The following FCHO2 variants were observed in gnomAD, a reference collection of about 807,000 sequenced individuals.
The protein encoded by FCHO2 is F-BAR domain only protein 2.
Under a neutral mutation model 114.1 loss-of-function variants are expected in FCHO2, and 43 were observed. The ratio of observed to expected loss-of-function variants is 0.38; its 90% CI spans 0.30 to 0.49. The LOEUF (loss-of-function observed/expected upper bound fraction) is 0.49, where lower values mean the gene tolerates loss of function less well. Among genes scored for constraint, FCHO2 ranks in the 20% least tolerant of loss-of-function variants. FCHO2 has a pLI of 0.97. For missense variants in FCHO2, 807 were observed against 950.4 expected (o/e 0.85, Z 1.98); for synonymous variants, 293 against 315.2 (o/e 0.93, Z 0.75).
At chr5:72,975,203 C>T (rs578138416) in intron 2 of FCHO2, among the ~76,000 whole-genome samples, 3 of 152,236 alleles carry the variant, frequency 2.0e-5, no homozygotes, top group Admixed American at 1.3e-4. Flanking sequence ...TTATGTTCCT[C>T]TGTGAAACAG....
intron 10 of FCHO2, among the ~76,000 whole-genome samples, chr5:73,039,433 T>A (rs930651203): frequency 9.9e-5 from 15 of 152,166 alleles, no homozygotes; most frequent in African/African-American, 3.6e-4. Context: ...GCATCTTTTT[T>A]AAAAAAAGAA....
At chr5:73,074,638 GT>G in intron 19 of FCHO2, 103 bp from the exon 20 acceptor site, 1 of 992,184 alleles carries the variant, frequency 1.0e-6, no homozygotes, top group Non-Finnish European at 1.5e-6. Flanking sequence ...ACTGAAACCA[GT>G]GGTAGGGTCG....
chr5:73,077,869 C>T (rs532701235), intron 21 of FCHO2, among the ~76,000 whole-genome samples: 1 of 152,204 alleles, frequency 6.6e-6, no homozygotes, highest in African/African-American at 2.4e-5. Context: ...TGTTTTCCCC[C>T]TTCTTCTTTG....
At chr5:72,996,268 A>G (rs1377483561) in intron 5 of FCHO2, among the ~76,000 whole-genome samples, 10 of 150,326 alleles carry the variant, frequency 6.7e-5, no homozygotes, top group African/African-American at 2.5e-4. Flanking sequence ...AAATCCTGTT[A>G]TGTATTTCAT....
chr5:72,979,719 A>G (rs1418435588), intron 2 of FCHO2, among the ~76,000 whole-genome samples: 2 of 152,150 alleles, frequency 1.3e-5, no homozygotes, highest in Admixed American at 6.5e-5. Context: ...TAGATTTTCT[A>G]GTTTATTTGC....
intron 24 of FCHO2, among the ~76,000 whole-genome samples, chr5:73,084,729 T>G (rs2112897288): frequency 1.3e-5 from 2 of 152,326 alleles, no homozygotes; most frequent in South Asian, 2.1e-4. Context: ...GTTTATTCAT[T>G]TACACCTGCC....
intron 20 of FCHO2, 102 bp from the exon 21 acceptor site, chr5:73,077,236 G>T (rs939528179): frequency 2.2e-6 from 2 of 901,870 alleles, no homozygotes; most frequent in Non-Finnish European, 3.3e-6. Flanking sequence ...ATATAGGTGC[G>T]TGTGTGTGTG....
At chr5:73,015,267 CTT>C (rs908993702) in intron 6 of FCHO2, among the ~76,000 whole-genome samples, 2 of 143,112 alleles carry the variant, frequency 1.4e-5, no homozygotes, top group African/African-American at 2.5e-5. Flanking sequence ...GAGTTGATTT[CTT>C]TTTTTTTTTT....
intron 20 of FCHO2, 76 bp downstream of exon 20, chr5:73,074,929 A>T: frequency 9.0e-7 from 1 of 1,116,080 alleles, no homozygotes; most frequent in Non-Finnish European, 1.3e-6. Flanking sequence ...TTGGTGGTAA[A>T]TTTTAAGAAT....
At chr5:73,045,100 A>G (rs1756994907) in intron 11 of FCHO2, among the ~76,000 whole-genome samples, 3 of 152,246 alleles carry the variant, frequency 2.0e-5, no homozygotes, top group Admixed American at 1.3e-4. Flanking sequence ...TGTATGTAAC[A>G]GTACTGTGTA....
chr5:73,050,364 G>T (rs1181674390), intron 11 of FCHO2, among the ~76,000 whole-genome samples: 1 of 151,082 alleles, frequency 6.6e-6, no homozygotes, highest in Non-Finnish European at 1.5e-5. Flanking sequence ...CTTTTGCCAG[G>T]CTGGAGTGCA....
chr5:73,003,989 A>C (rs916910694), intron 5 of FCHO2, among the ~76,000 whole-genome samples: 3 of 144,880 alleles, frequency 2.1e-5, no homozygotes, highest in Non-Finnish European at 1.5e-5. Context: ...CGGAGGTTGC[A>C]GTGAGCCAAG....
chr5:73,054,570 GTTTAT>G (rs1757495941), intron 15 of FCHO2, 21 bp downstream of exon 15: 11 of 1,517,846 alleles, frequency 7.2e-6, no homozygotes, highest in South Asian at 2.5e-5. Context: ...CATTTGAATT[GTTTAT>G]TTTATGTCTA....
rs1230686760 is a variant in FCHO2, at chr5:72,997,720, T to A, written c.495+6856T>A. ...GCCCTTGGGATACCGTTTGATGCCCTGTCCAATGTGAGGACTGCCTGGGCA... is the reference window on the plus strand; with the variant it reads ...GCCCTTGGGATACCGTTTGATGCCCAGTCCAATGTGAGGACTGCCTGGGCA... On this transcript the variant is annotated intron_variant, in intron 5 of 25. Coordinates refer to ENST00000430046, the MANE Select transcript of FCHO2 (RefSeq NM_138782.3). 6.1e-6 allele frequency: 9 copies of A among 1,486,918 alleles called. No homozygotes were observed. The Admixed American group carries it at 1.7e-4, about 28-fold the overall frequency. The allele number at this position is 1,486,918 out of a possible 1,614,324, so 92.1% of individuals were successfully genotyped here.
chr5:73,076,563 A>G (rs1742919503), intron 20 of FCHO2, among the ~76,000 whole-genome samples: 2 of 152,230 alleles, frequency 1.3e-5, no homozygotes, highest in South Asian at 2.1e-4. Flanking sequence ...CCTTCAGTAT[A>G]TAAGAGCAGA....
intron 2 of FCHO2, among the ~76,000 whole-genome samples, chr5:72,969,526 A>G (rs1752395443): frequency 6.6e-6 from 1 of 152,116 alleles, no homozygotes; most frequent in Admixed American, 6.5e-5. Context: ...GGAGCAAAGG[A>G]AAGGCCGCAG....
At chr5:73,082,684 C>T in intron 23 of FCHO2, 77 bp from the exon 24 acceptor site, 3 of 1,115,806 alleles carry the variant, frequency 2.7e-6, no homozygotes, top group Non-Finnish European at 3.9e-6. Context: ...TTAAAATACA[C>T]TTATTTATTG....
chr5:73,041,368 G>A, intron 11 of FCHO2, 53 bp downstream of exon 11: 1 of 1,138,618 alleles, frequency 8.8e-7, no homozygotes, highest in East Asian at 2.5e-5. Context: ...TTTTCATTAG[G>A]ACAAACCTAA....
intron 8 of FCHO2, among the ~76,000 whole-genome samples, chr5:73,032,435 CATA>C (rs978142268): frequency 2.0e-5 from 3 of 151,900 alleles, no homozygotes; most frequent in African/African-American, 7.3e-5. Flanking sequence ...GTTTAGAAAA[CATA>C]AGAGAAATCA....
Sources: allele counts gnomAD v4.1 joint callset (sites outside exome capture counted in the v4.1 genomes callset), GRCh38; gene constraint gnomAD v4.1.1; transcripts MANE v1.5; gene names NCBI Gene and HGNC (gene_info 2026-07-23, HGNC 2026-07-21).